CHSY1: variants seen among roughly 807,000 people sequenced by gnomAD.
CHSY1 encodes chondroitin sulfate synthase 1.
CHSY1 carries 13 observed loss-of-function variants against 59.8 expected under a neutral mutation model. The observed-to-expected ratio is 0.22, with a 90% CI of 0.14 to 0.35. The LOEUF (loss-of-function observed/expected upper bound fraction) is 0.35, where lower values mean the gene tolerates loss of function less well. Ranked by LOEUF, CHSY1 falls within the 10% of genes least tolerant of loss-of-function variation. The probability of loss-of-function intolerance (pLI) is 1.00; values close to 1 mark genes in which losing one functional copy is unlikely to be tolerated. For missense variants in CHSY1, 947 were observed against 1,030.6 expected, an observed-to-expected ratio of 0.92 and a Z score of 1.11; for synonymous variants, 459 against 401.2, an observed-to-expected ratio of 1.14 and a Z score of -1.72.
intron 2 of CHSY1, among the ~76,000 whole-genome samples, chr15:101,232,098 T>C (rs1030194498): frequency 6.6e-6 from 1 of 152,228 alleles, no homozygotes; most frequent in Non-Finnish European, 1.5e-5. Flanking sequence ...TTGACAGTTG[T>C]TCCTCACAAG....
At chr15:101,246,349 C>T (rs568683771) in intron 1 of CHSY1, among the ~76,000 whole-genome samples, 78 of 106,964 alleles carry the variant, frequency 7.3e-4, no homozygotes, top group African/African-American at 2.9e-3. Context: ...AAGCAAAATA[C>T]GTGTGGCTTT....
chr15:101,196,247 CAT>C (rs1466570069), intron 2 of CHSY1, among the ~76,000 whole-genome samples: 4 of 143,884 alleles, frequency 2.8e-5, no homozygotes, highest in African/African-American at 1.0e-4. Context: ...AAAAAAAAAA[CAT>C]ATATGTAAAA....
intron 2 of CHSY1, among the ~76,000 whole-genome samples, chr15:101,232,233 A>C (rs577826430): frequency 1.3e-5 from 2 of 152,290 alleles, no homozygotes; most frequent in East Asian, 3.9e-4. Flanking sequence ...AGCTTAACGT[A>C]ATTGTCTTTA....
chr15:101,224,668 C>G (rs1385039017), intron 2 of CHSY1, among the ~76,000 whole-genome samples: 1 of 152,166 alleles, frequency 6.6e-6, no homozygotes, highest in Non-Finnish European at 1.5e-5. Context: ...CTGAGAAACT[C>G]CCACCTGGTC....
At chr15:101,195,414 AT>A (rs2141249848) in intron 2 of CHSY1, among the ~76,000 whole-genome samples, 1 of 152,384 alleles carries the variant, frequency 6.6e-6, no homozygotes, top group African/African-American at 2.4e-5. Flanking sequence ...AGACATGAAA[AT>A]TATAAGCTAT....
At chr15:101,245,952 G>T (rs2039046834) in intron 1 of CHSY1, among the ~76,000 whole-genome samples, 1 of 152,184 alleles carries the variant, frequency 6.6e-6, no homozygotes, top group African/African-American at 2.4e-5. Flanking sequence ...AGATAAACAT[G>T]GTTTACTTAG....
Position 101,185,350 on chromosome 15 carries a change from C to T in CHSY1, c.817-6370G>A, listed in dbSNP as rs1372079530. Among the ~76,000 whole-genome samples the T allele has an allele frequency of 5.3e-5, 8 of 152,062 alleles. No homozygotes were observed. The South Asian group carries it at 6.2e-4, about 12-fold the overall frequency. ...GAAGGAAAACCTAGGGAAGCCCTGA[C>T]GGGCCCCACCAGGCTCCAGGGCCAT... is the stretch of plus-strand genomic sequence containing the variant. On this transcript the variant is annotated intron_variant, in intron 2 of 2. Coordinates refer to ENST00000254190, the MANE Select transcript of CHSY1 (RefSeq NM_014918.5).
At chr15:101,228,831 T>C (rs1010210790) in intron 2 of CHSY1, among the ~76,000 whole-genome samples, 1 of 152,226 alleles carries the variant, frequency 6.6e-6, no homozygotes, top group Non-Finnish European at 1.5e-5. Context: ...AGGGTATAAA[T>C]GTATTTTTTA....
intron 1 of CHSY1, among the ~76,000 whole-genome samples, chr15:101,236,591 G>C (rs533678279): frequency 8.0e-4 from 122 of 152,296 alleles, no homozygotes; most frequent in African/African-American, 2.9e-3. Flanking sequence ...GGAGGCCGAG[G>C]CGGGCGGATC....
intron 1 of CHSY1, among the ~76,000 whole-genome samples, chr15:101,248,887 C>T (rs1190430356): frequency 2.0e-5 from 3 of 151,700 alleles, no homozygotes; most frequent in Non-Finnish European, 2.9e-5. Context: ...CCTGGGTTTA[C>T]GCCATTCTCC....
At chr15:101,189,989 A>G (rs1025589370) in intron 2 of CHSY1, among the ~76,000 whole-genome samples, 2 of 152,108 alleles carry the variant, frequency 1.3e-5, no homozygotes, top group African/African-American at 4.8e-5. Context: ...CATGCGTTAC[A>G]CTCAGAACTG....
intron 2 of CHSY1, among the ~76,000 whole-genome samples, chr15:101,234,575 A>G (rs1487568006): frequency 6.6e-6 from 1 of 152,226 alleles, no homozygotes; most frequent in Non-Finnish European, 1.5e-5. Context: ...TATTAGGACA[A>G]AAGTATGGAA....
chr15:101,190,525 A>G (rs1314051074), intron 2 of CHSY1, among the ~76,000 whole-genome samples: 1 of 152,238 alleles, frequency 6.6e-6, no homozygotes, highest in Non-Finnish European at 1.5e-5. Context: ...AAGAAAACAG[A>G]GGAGAAAATC....
intron 2 of CHSY1, among the ~76,000 whole-genome samples, chr15:101,192,520 C>T (rs939900401): frequency 1.3e-5 from 2 of 152,184 alleles, no homozygotes; most frequent in South Asian, 2.1e-4. Flanking sequence ...CAACTCCCCC[C>T]ACTCCCAAAC....
chr15:101,190,245 T>G (rs1221741143), intron 2 of CHSY1, among the ~76,000 whole-genome samples: 3 of 65,508 alleles, frequency 4.6e-5, no homozygotes, highest in East Asian at 4.2e-4. Context: ...GAAGAGGGAG[T>G]GGGTTTGTTT....
At chr15:101,181,041 C>T (rs1015367616) in intron 2 of CHSY1, among the ~76,000 whole-genome samples, 4 of 152,332 alleles carry the variant, frequency 2.6e-5, no homozygotes, top group East Asian at 3.9e-4. Context: ...TTGGGGCACT[C>T]GGAGGCACAG....
At position 101,251,156 on chromosome 15, in the gene CHSY1, G is replaced by T. The variant is rs1223272181; in HGVS notation, c.301C>A (p.Arg101=). The T allele has an allele frequency of 6.3e-7, 1 of 1,593,404 alleles. No individual in the cohort carries two copies. The highest frequency in any genetic ancestry group is 1.7e-5 in the Admixed American group (1 of 58,790). The change falls in exon 1 of 3, where the codon CGG becomes AGG. Residue 101 remains arginine, a synonymous_variant. Coordinates refer to ENST00000254190, the MANE Select transcript of CHSY1 (RefSeq NM_014918.5). ...GCTCACCTGTAGGCGGCCACGGCCC[G>T]AGTCTGCAGGTATTTCTGGGCGGTC... ...VMTAQKYLQT[R]AVAAYRTWSK...
chr15:101,211,854 G>T (rs2141261227), intron 2 of CHSY1, among the ~76,000 whole-genome samples: 1 of 150,644 alleles, frequency 6.6e-6, no homozygotes, highest in East Asian at 1.9e-4. Context: ...CTCAAGAATA[G>T]TAAGACGAAC....
intron 2 of CHSY1, among the ~76,000 whole-genome samples, chr15:101,233,460 A>C (rs1217413113): frequency 6.6e-6 from 1 of 152,252 alleles, no homozygotes; most frequent in Non-Finnish European, 1.5e-5. Context: ...ACCTATTTTA[A>C]CCATAATGAA....
Sources: gnomAD v4.1 joint callset for allele counts (sites outside exome capture counted in the v4.1 genomes callset) on GRCh38, gnomAD v4.1.1 for gene constraint, MANE v1.5 for transcripts, NCBI Gene and HGNC (gene_info 2026-07-23, HGNC 2026-07-21) for gene names.